The following PRKCQ variants were observed in gnomAD, a reference collection of about 807,000 sequenced individuals.
PRKCQ encodes protein kinase C theta, also known as protein kinase C theta type.
Under a neutral mutation model 91.2 loss-of-function variants are expected in PRKCQ, and 41 were observed. The ratio of observed to expected loss-of-function variants is 0.45; its 90% confidence interval spans 0.35 to 0.58. The LOEUF is 0.58. Ranked by LOEUF, PRKCQ falls within the 20% of genes least tolerant of loss-of-function variation. The pLI, the probability that PRKCQ is intolerant of heterozygous loss-of-function variation, is 0.00. For missense variants in PRKCQ, 673 were observed against 896.5 expected, an observed-to-expected ratio of 0.75 and a Z score of 3.18; for synonymous variants, 307 against 316.9, an observed-to-expected ratio of 0.97 and a Z score of 0.33.
intron 1 of PRKCQ, among the ~76,000 whole-genome samples, chr10:6,562,080 C>T (rs969166372): frequency 1.3e-5 from 2 of 152,106 alleles, no homozygotes; most frequent in East Asian, 1.9e-4. Flanking sequence ...CATTGAGCCA[C>T]GGACCTGGCA....
At chr10:6,411,616 C>T in the PRKCQ span, among the ~76,000 whole-genome samples, 1 of 152,214 alleles carries the variant, frequency 6.6e-6, no homozygotes, top group Non-Finnish European at 1.5e-5. Flanking sequence ...TTCATTGGGA[C>T]ACCCATTTGT....
rs117493865 is a variant in PRKCQ, at chr10:6,532,927, T to G, written c.-9-17783A>C. Among the ~76,000 whole-genome samples the G allele has an allele frequency of 2.2e-3, 333 of 152,338 alleles. 1 individual carries two copies. Among genetic ancestry groups the G allele is most frequent in the Admixed American group, 3.7e-3 (56 of 15,300 alleles). On this transcript the variant is annotated intron_variant, in intron 1 of 17. Transcript: ENST00000263125. The stretch of plus-strand genomic sequence containing the variant: ...CAATACTTGCTAAATTGCAATCTAT[T>G]CTAATTTTCTATTTTTTTCATATTC...
intron 4 of PRKCQ, among the ~76,000 whole-genome samples, chr10:6,502,723 G>A (rs369215197): frequency 1.3e-4 from 20 of 152,252 alleles, no homozygotes; most frequent in African/African-American, 3.9e-4. Flanking sequence ...TAGACAACAC[G>A]AACACAAATG....
intron 12 of PRKCQ, among the ~76,000 whole-genome samples, chr10:6,472,735 C>A (rs187007849): frequency 6.6e-6 from 1 of 152,132 alleles, no homozygotes; most frequent in Non-Finnish European, 1.5e-5. Context: ...CTTTTTGAGA[C>A]GGAGTTTCAC....
At chr10:6,397,459 G>A in the PRKCQ span, among the ~76,000 whole-genome samples, 3 of 152,048 alleles carry the variant, frequency 2.0e-5, no homozygotes, top group African/African-American at 4.8e-5. Flanking sequence ...TATATATTTT[G>A]TATACTATTG....
At chr10:6,485,057 C>A in intron 10 of PRKCQ, 95 bp downstream of exon 10, 1 of 1,079,240 alleles carries the variant, frequency 9.3e-7, no homozygotes, top group Non-Finnish European at 1.4e-6. Flanking sequence ...ACCTATCAGA[C>A]CAGGTAAGCT....
chr10:6,523,412 C>G lies in PRKCQ; in HGVS notation c.-9-8268G>C, dbSNP rs146733741. 5.2e-4 allele frequency among the ~76,000 whole-genome samples: 79 copies of G among 152,270 alleles called. 1 individual carries two copies. Among genetic ancestry groups the G allele is most frequent in the African/African-American group, 1.8e-3 (75 of 41,540 alleles). On this transcript the variant is annotated intron_variant, in intron 1 of 17. Coordinates refer to ENST00000263125, the MANE Select transcript of PRKCQ (RefSeq NM_006257.5). ...GCTGCAGTGAGCTGTGATTGCACCA[C>G]TGTACTCCAGCCTGGGCGACAAAGC...
intron 8 of PRKCQ, among the ~76,000 whole-genome samples, chr10:6,487,180 C>T (rs1250994062): frequency 6.6e-6 from 1 of 152,118 alleles, no homozygotes; most frequent in Non-Finnish European, 1.5e-5. Flanking sequence ...CCAAGGATTA[C>T]TAGATGAGAA....
chr10:6,412,843 A>G, the PRKCQ span, among the ~76,000 whole-genome samples: 1 of 152,276 alleles, frequency 6.6e-6, no homozygotes, highest in Non-Finnish European at 1.5e-5. Context: ...GCCACTAGGT[A>G]CAGCCTGGTA....
chr10:6,404,206 A>G, the PRKCQ span, among the ~76,000 whole-genome samples: 3 of 146,554 alleles, frequency 2.0e-5, no homozygotes, highest in African/African-American at 7.6e-5. Flanking sequence ...GAGAAAGAGA[A>G]AAGAAAAAAC....
intron 1 of PRKCQ, among the ~76,000 whole-genome samples, chr10:6,569,714 G>C (rs1029370659): frequency 6.6e-6 from 1 of 152,178 alleles, no homozygotes; most frequent in African/African-American, 2.4e-5. Flanking sequence ...GCAAGCTATG[G>C]AGATAGGGGA....
Position 6,492,471 on chromosome 10 carries a change from T to C in PRKCQ, c.661-659A>G, listed in dbSNP as rs562811063. ...CCCCTTTTGAAGTCGCTTCTATTAG[T>C]ATCCTCCTTTGACAGACGAGGAAAT... is the stretch of plus-strand genomic sequence containing the variant. On this transcript the variant is annotated intron_variant, in intron 7 of 17. Transcript: ENST00000263125. 2.1e-4 allele frequency among the ~76,000 whole-genome samples: 32 copies of C among 152,304 alleles called. No homozygotes were observed. In the South Asian group the frequency reaches 6.4e-3, roughly 31 times the overall value.
chr10:6,549,624 CT>C (rs753280727), intron 1 of PRKCQ, among the ~76,000 whole-genome samples: 15,237 of 124,124 alleles, frequency 0.12, 522 homozygotes, highest in Middle Eastern at 0.22. Flanking sequence ...TAAAATTCAT[CT>C]TTTTTTTTTT....
At chr10:6,455,191 A>G (rs1323438688) in intron 15 of PRKCQ, among the ~76,000 whole-genome samples, 1 of 152,188 alleles carries the variant, frequency 6.6e-6, no homozygotes, top group Non-Finnish European at 1.5e-5. Context: ...AATTGAGTTG[A>G]GTCCGTCCTC....
chr10:6,523,343 C>T (rs1189885462), intron 1 of PRKCQ, among the ~76,000 whole-genome samples: 2 of 151,936 alleles, frequency 1.3e-5, no homozygotes, highest in Non-Finnish European at 2.9e-5. Context: ...TCCGGCTACT[C>T]GGGAGGCCAA....
Position 6,428,030 on chromosome 10 carries a change from A to T in PRKCQ, c.*177T>A. On this transcript the variant is annotated 3_prime_UTR_variant, in exon 18 of 18. Coordinates refer to ENST00000263125, the MANE Select transcript of PRKCQ (RefSeq NM_006257.5). ...AGACGAGACACACGGCATCGTCATT[A>T]GTGAAGTAGACTTGGTTTCTGCTAC... 1.4e-6 allele frequency: 1 copy of T among 706,156 alleles called. No homozygotes were observed. Among genetic ancestry groups the T allele is most frequent in the Non-Finnish European group, 2.3e-6 (1 of 430,740 alleles). 43.7% of individuals were successfully genotyped at this position (706,156 alleles called of 1,614,324 possible).
chr10:6,429,510 T>C (rs962485201), intron 17 of PRKCQ, among the ~76,000 whole-genome samples: 4 of 152,116 alleles, frequency 2.6e-5, no homozygotes, highest in Admixed American at 2.0e-4. Context: ...TTCGCTATCA[T>C]GACTAATAGC....
intron 8 of PRKCQ, among the ~76,000 whole-genome samples, chr10:6,490,551 C>T (rs1414666002): frequency 7.5e-6 from 1 of 132,728 alleles, no homozygotes; most frequent in Non-Finnish European, 1.6e-5. Context: ...CATAGCAAGA[C>T]CATACCTCTA....
intron 1 of PRKCQ, among the ~76,000 whole-genome samples, chr10:6,579,590 GC>G (rs1437252817): frequency 1.4e-4 from 22 of 151,766 alleles, no homozygotes; most frequent in South Asian, 1.0e-3. Context: ...GGTTAACCTG[GC>G]CCTCAAAGCT....
Sources: allele counts gnomAD v4.1 joint callset (sites outside exome capture counted in the v4.1 genomes callset), GRCh38; gene constraint gnomAD v4.1.1; transcripts MANE v1.5; gene names NCBI Gene and HGNC (gene_info 2026-07-23, HGNC 2026-07-21).